Variants in DNAH1 observed in about 807,000 individuals in gnomAD.
DNAH1 encodes the protein dynein axonemal heavy chain 1, also known as axonemal beta dynein heavy chain 1.
A neutral mutation model predicts 484.3 loss-of-function variants in DNAH1; 327 were observed. The observed-to-expected ratio is 0.68, with a 90% confidence interval of 0.62 to 0.74. The LOEUF is 0.74. Among genes scored for constraint, DNAH1 ranks in the 30% least tolerant of loss-of-function variants. The pLI is 0.00. For synonymous variants in DNAH1, 2,192 were observed against 2,191.9 expected (o/e 1.00, Z 0.00); for missense variants, 5,052 against 5,546.8 (o/e 0.91, Z 2.83).
At chr3:52,312,472 T>C (rs1254025186), upstream of DNAH1, among the ~76,000 whole-genome samples, 5 of 131,430 alleles carry the variant, frequency 3.8e-5, no homozygotes, top group African/African-American at 1.2e-4. Context: ...ATTGCCACGC[T>C]TTTTTTTTTT....
chr3:52,396,788 C>T lies in DNAH1; in HGVS notation c.11601C>T (p.Ile3867=), dbSNP rs369752216. ...LKMFLDEYDD[I]PYKVLKYTAG... is the part of the protein sequence containing the mutation. ...TGTTCCTGGACGAATATGATGACATCCCCTACAAGGTGGGCCTGGGGCAGA... is the reference window on the plus strand; with the variant it reads ...TGTTCCTGGACGAATATGATGACATTCCCTACAAGGTGGGCCTGGGGCAGA... Residue 3867 remains isoleucine (I), a synonymous_variant, in exon 72 of 78, where the codon ATC becomes ATT. Transcript: ENST00000420323. 1.1e-5 allele frequency: 17 copies of T among 1,613,362 alleles called. No homozygotes were observed. In the African/African-American group the frequency reaches 1.7e-4, roughly 16 times the overall value.
At chr3:52,352,852 T>C in intron 18 of DNAH1, 145 bp downstream of exon 18, 1 of 1,321,182 alleles carries the variant, frequency 7.6e-7, no homozygotes, top group Non-Finnish European at 1.0e-6. Context: ...ACCCTGGCCC[T>C]CAGGTTGAGG....
At chr3:52,352,151 G>A (rs371377964) in intron 17 of DNAH1, 48 bp downstream of exon 17, 94 of 1,547,582 alleles carry the variant, frequency 6.1e-5, no homozygotes, top group South Asian at 1.1e-4. Flanking sequence ...CCCACCACAC[G>A]CACGCACAGT....
In DNAH1 at chr3:52,368,991, A is replaced by G; in HGVS notation, c.5943+73A>G. 1.3e-6 allele frequency: 2 copies of G among 1,547,858 alleles called. No homozygotes were observed. Among genetic ancestry groups the G allele is most frequent in the East Asian group, 2.3e-5 (1 of 43,942 alleles). On this transcript the variant is annotated intron_variant, in intron 37 of 77. Transcript: ENST00000420323. This position sits in a 1 kb window ranked among gnomAD's most constrained non-coding sequence, Gnocchi z 4.4. ...CCTGGAGGCTGCATCATGCTGGCCA[A>G]ACTCTGCCCCCTCACCCCTTTCTCT...
At chr3:52,335,679 T>A (rs531487884) in intron 8 of DNAH1, among the ~76,000 whole-genome samples, 1 of 151,960 alleles carries the variant, frequency 6.6e-6, no homozygotes, top group Non-Finnish European at 1.5e-5. Context: ...TTGTTACCCA[T>A]GCTGGAGTGC....
intron 9 of DNAH1, 106 bp downstream of exon 9, chr3:52,344,753 A>AGCCC (rs1241781233): frequency 8.1e-7 from 1 of 1,231,194 alleles, no homozygotes; most frequent in African/African-American, 1.5e-5. Context: ...GGGCGTCATC[A>AGCCC]GCCCAACACT....
At chr3:52,383,763 C>T in intron 51 of DNAH1, 97 bp from the exon 52 acceptor site, 1 of 1,448,280 alleles carries the variant, frequency 6.9e-7, no homozygotes, top group Non-Finnish European at 9.2e-7. Flanking sequence ...TGTGTCCTGG[C>T]TGCCATGCCA....
chr3:52,376,390 G>A (rs916278709), intron 46 of DNAH1, among the ~76,000 whole-genome samples: 2 of 152,216 alleles, frequency 1.3e-5, no homozygotes, highest in African/African-American at 2.4e-5. Flanking sequence ...TCGCGGCAAG[G>A]CGGCTGACCA....
Position 52,364,574 on chromosome 3 carries a change from T to C in DNAH1, c.5245-64T>C, listed in dbSNP as rs1702990446. 5.8e-6 allele frequency: 9 copies of C among 1,564,692 alleles called. No homozygotes were observed. Among genetic ancestry groups the C allele is most frequent in the African/African-American group, 1.4e-5 (1 of 73,860 alleles). On this transcript the variant is annotated intron_variant, in intron 32 of 77. Transcript: ENST00000420323. The surrounding 1 kb of genome is among the most constrained non-coding windows in gnomAD (Gnocchi z 4.2). ...GCCAACTGCCAGGTGGGAGGCAGAGTGTTCCAGGCAGAAGCCTTGGAGAGG... is the reference window on the plus strand; with the variant it reads ...GCCAACTGCCAGGTGGGAGGCAGAGCGTTCCAGGCAGAAGCCTTGGAGAGG...
chr3:52,396,931 C>T lies in DNAH1; in HGVS notation c.11674C>T (p.Arg3892Cys), dbSNP rs556591520. The change falls in exon 73 of 78, where the codon CGC (arginine) becomes TGC (cysteine). Residue 3892 changes from arginine to cysteine, a missense_variant. By Grantham distance (180) the Arg-to-Cys change is radical (BLOSUM62 -3). Transcript: ENST00000420323. ...GGRVTDDWDR[R>C]CIMNILEDFY... ...CCGTGTCACTGATGACTGGGACCGG[C>T]GCTGCATCATGAACATCTTGGAGGA... 15 of 1,613,334 alleles carry T rather than the reference C, an allele frequency of 9.3e-6. No individual in the cohort carries two copies. Among genetic ancestry groups the T allele is most frequent in the Admixed American group, 1.7e-5 (1 of 59,990 alleles).
chr3:52,341,273 C>T (rs1391049197), intron 8 of DNAH1, among the ~76,000 whole-genome samples: 1 of 152,132 alleles, frequency 6.6e-6, no homozygotes, highest in East Asian at 1.9e-4. Context: ...AGTTTCATGA[C>T]CACAACAAAG....
At chr3:52,384,519 A>G (rs1322304632) in intron 52 of DNAH1, among the ~76,000 whole-genome samples, 6 of 152,200 alleles carry the variant, frequency 3.9e-5, no homozygotes, top group Non-Finnish European at 7.3e-5. Flanking sequence ...GCTGGGAGAC[A>G]GCTAGGTCCA....
intron 12 of DNAH1, among the ~76,000 whole-genome samples, chr3:52,348,573 C>T (rs1194289824): frequency 6.6e-6 from 1 of 152,246 alleles, no homozygotes; most frequent in Non-Finnish European, 1.5e-5. Context: ...GCCTTCATGA[C>T]CCAGCTGTCT....
intron 44 of DNAH1, chr3:52,373,873 G>T (rs533369838): frequency 7.1e-7 from 1 of 1,399,268 alleles, no homozygotes. Context: ...AACATGTTTC[G>T]AATATTACCA....
intron 8 of DNAH1, among the ~76,000 whole-genome samples, chr3:52,341,951 A>G (rs922451892): frequency 2.0e-5 from 3 of 152,212 alleles, no homozygotes; most frequent in African/African-American, 7.2e-5. Context: ...CTGGCCAGAA[A>G]GACAGACAAT....
At chr3:52,386,614 G>T in intron 55 of DNAH1, 48 bp from the exon 56 acceptor site, 1 of 1,498,190 alleles carries the variant, frequency 6.7e-7, no homozygotes, top group Non-Finnish European at 8.9e-7. Flanking sequence ...CCTGCCGAGG[G>T]GTGCCCACTG....
At chr3:52,375,873 C>A in intron 45 of DNAH1, 82 bp from the exon 46 acceptor site, 2 of 1,502,402 alleles carry the variant, frequency 1.3e-6, no homozygotes, top group Non-Finnish European at 1.8e-6. Context: ...GATGCTGTTT[C>A]CCCCACCATC....
chr3:52,383,599 A>T lies in DNAH1; in HGVS notation c.8150+5A>T. ...CCACATGGTGCTGTGCATGAGGTACAGGCAGCTGTCGCCAGGCTGCGCTGG... is the reference window on the plus strand; with the variant it reads ...CCACATGGTGCTGTGCATGAGGTACTGGCAGCTGTCGCCAGGCTGCGCTGG... On this transcript the variant is annotated splice_donor_5th_base_variant and intron_variant, in intron 51 of 77. Coordinates refer to ENST00000420323, the MANE Select transcript of DNAH1 (RefSeq NM_015512.5). The T allele has an allele frequency of 6.4e-7, 1 of 1,566,860 alleles. No individual in the cohort carries two copies. The highest frequency in any genetic ancestry group is 8.7e-7 in the Non-Finnish European group (1 of 1,153,190).
rs1702896969 is a variant in DNAH1 at position 52,362,322 on chromosome 3, C to T, written c.4981-66C>T. ...GGGGCATCAACAGGGGACAAGGGGCCCACTCAGAGGAGGGGACAAGGCTGG... is the reference window on the plus strand; with the variant it reads ...GGGGCATCAACAGGGGACAAGGGGCTCACTCAGAGGAGGGGACAAGGCTGG... On this transcript the variant is annotated intron_variant, in intron 30 of 77. Coordinates refer to ENST00000420323, the MANE Select transcript of DNAH1 (RefSeq NM_015512.5). This position sits in a 1 kb window ranked among gnomAD's most constrained non-coding sequence, Gnocchi z 5.1. 21 of 1,376,892 alleles carry T rather than the reference C, an allele frequency of 1.5e-5. No homozygotes were observed. In the South Asian group the frequency reaches 2.4e-4, roughly 16 times the overall value. The allele number at this position is 1,376,892 out of a possible 1,614,324, so 85.3% of individuals were successfully genotyped here.
Sources: allele counts gnomAD v4.1 joint callset (sites outside exome capture counted in the v4.1 genomes callset), GRCh38; gene constraint gnomAD v4.1.1; non-coding constraint Gnocchi (gnomAD v3.1); transcripts MANE v1.5; gene names NCBI Gene and HGNC (gene_info 2026-07-23, HGNC 2026-07-21).